SNAP23: variants seen among roughly 807,000 people sequenced by gnomAD.
The protein encoded by SNAP23 is synaptosomal-associated protein 23.
SNAP23 carries 11 observed loss-of-function variants against 29.0 expected under a neutral mutation model. That is an observed-to-expected ratio of 0.38 (90% confidence interval 0.24 to 0.63). The LOEUF (loss-of-function observed/expected upper bound fraction) is 0.63. Ranked by LOEUF, SNAP23 falls within the 20% of genes least tolerant of loss-of-function variation. The probability of loss-of-function intolerance (pLI) is 0.58; values close to 1 mark genes in which losing one functional copy is unlikely to be tolerated. For missense variants in SNAP23, 220 were observed against 253.9 expected (o/e 0.87, Z 0.91); for synonymous variants, 60 against 82.9 (o/e 0.72, Z 1.50).
chr15:42,491,350 T>C (rs1467721082), upstream of SNAP23: 2 of 152,410 alleles, frequency 1.3e-5, no homozygotes, highest in Non-Finnish European at 2.9e-5. Context: ...TTTTTCATTC[T>C]CCTTGTTTCT....
intron 1 of SNAP23, among the ~76,000 whole-genome samples, chr15:42,511,482 A>G (rs111504667): frequency 4.6e-5 from 7 of 152,346 alleles, no homozygotes; most frequent in African/African-American, 1.4e-4. Flanking sequence ...ACACATGAAG[A>G]ACATTGAACA....
At chr15:42,516,681 C>G (rs1366865045) in intron 5 of SNAP23, among the ~76,000 whole-genome samples, 1 of 152,160 alleles carries the variant, frequency 6.6e-6, no homozygotes, top group Admixed American at 6.5e-5. Context: ...TCATCCAGTT[C>G]TCAGCTGGTC....
intron 5 of SNAP23, chr15:42,521,695 C>T (rs1328931131): frequency 2.0e-6 from 2 of 976,778 alleles, no homozygotes; most frequent in African/African-American, 3.2e-5. Context: ...GGGCTGCTAA[C>T]CTGCTATCTA....
At chr15:42,508,733 T>C (rs895832122) in intron 1 of SNAP23, among the ~76,000 whole-genome samples, 3 of 151,936 alleles carry the variant, frequency 2.0e-5, no homozygotes, top group African/African-American at 7.3e-5. Context: ...GAGTTTTGCT[T>C]TTTTTTTCCT....
chr15:42,506,620 A>C (rs2057318820), intron 1 of SNAP23, among the ~76,000 whole-genome samples: 1 of 152,302 alleles, frequency 6.6e-6, no homozygotes, highest in Non-Finnish European at 1.5e-5. Context: ...AACCATGATT[A>C]CTGTGGTCTA....
chr15:42,511,762 T>C (rs920719954), intron 1 of SNAP23, 71 bp from the exon 2 acceptor site: 2 of 847,646 alleles, frequency 2.4e-6, no homozygotes, highest in Non-Finnish European at 1.8e-6. Context: ...ATCTACACTT[T>C]TTGCTCACAC....
At chr15:42,500,693 A>G (rs2057262357) in intron 1 of SNAP23, among the ~76,000 whole-genome samples, 1 of 150,666 alleles carries the variant, frequency 6.6e-6, no homozygotes, top group African/African-American at 2.5e-5. Flanking sequence ...CCCGGCCAGG[A>G]CTGCTCTTTT....
chr15:42,507,670 A>G (rs1048765746), intron 1 of SNAP23, among the ~76,000 whole-genome samples: 1 of 152,214 alleles, frequency 6.6e-6, no homozygotes, highest in African/African-American at 2.4e-5. Flanking sequence ...ATGTCTGCAG[A>G]GAATAATAAA....
At chr15:42,504,859 A>C (rs2057304683) in intron 1 of SNAP23, among the ~76,000 whole-genome samples, 1 of 152,206 alleles carries the variant, frequency 6.6e-6, no homozygotes, top group Admixed American at 6.6e-5. Context: ...CTGCGGATGC[A>C]TTGGTTACCA....
In SNAP23 at chr15:42,520,045, C is replaced by CTTT. The variant is rs201577060; in HGVS notation, c.266+4713_266+4715dup. Among the ~76,000 whole-genome samples, 255 of 92,958 alleles carry CTTT rather than the reference C, an allele frequency of 2.7e-3. 3 individuals are homozygous for CTTT. The highest frequency in any genetic ancestry group is 5.8e-3 in the African/African-American group (120 of 20,582). 61.0% of individuals were successfully genotyped at this position (92,958 alleles called of 152,430 possible). A position where few individuals can be genotyped will look rare whatever the true frequency, so the allele number is the denominator to read the frequency against. On this transcript the variant is annotated intron_variant, in intron 5 of 7. Coordinates refer to ENST00000249647, the MANE Select transcript of SNAP23 (RefSeq NM_003825.4). Reference sequence around the variant, plus strand: ...TTCAAAACCAGGCAGAACCCCCTTGCTTTTTTTTTTTTTTTTTTTTTTTTG... The same window carrying CTTT: ...TTCAAAACCAGGCAGAACCCCCTTGCTTTTTTTTTTTTTTTTTTTTTTTTTTTG...
At chr15:42,520,643 C>T (rs1023899207) in intron 5 of SNAP23, among the ~76,000 whole-genome samples, 25 of 152,102 alleles carry the variant, frequency 1.6e-4, no homozygotes, top group South Asian at 4.2e-4. Context: ...TACAGGCGCC[C>T]GCCACCACAC....
chr15:42,513,326 G>A (rs2057372402), intron 3 of SNAP23, 73 bp from the exon 4 acceptor site: 1 of 1,310,242 alleles, frequency 7.6e-7, no homozygotes, highest in Admixed American at 1.7e-5. Context: ...ATTCTGTGTT[G>A]CTCTTGTAGG....
Position 42,531,491 on chromosome 15 carries a change from T to C in SNAP23, c.*13T>C. The C allele has an allele frequency of 6.3e-7, 1 of 1,588,152 alleles. No homozygotes were observed. The highest frequency in any genetic ancestry group is 8.6e-7 in the Non-Finnish European group (1 of 1,164,270). ...CATTGACAGCTAAAGCTACTGCTGT[T>C]CTTCTTTATCATTTATTCACTTCCG... On this transcript the variant is annotated 3_prime_UTR_variant, in exon 8 of 8. Coordinates refer to ENST00000249647, the MANE Select transcript of SNAP23 (RefSeq NM_003825.4).
chr15:42,525,198 C>G (rs1457354018), intron 5 of SNAP23, among the ~76,000 whole-genome samples: 3 of 151,792 alleles, frequency 2.0e-5, no homozygotes, highest in African/African-American at 7.3e-5. Flanking sequence ...GAAACCCTGT[C>G]TCTACTAAAA....
At chr15:42,525,451 CT>C (rs1158969519) in intron 5 of SNAP23, among the ~76,000 whole-genome samples, 142 of 47,138 alleles carry the variant, frequency 3.0e-3, no homozygotes, top group Middle Eastern at 0.029. Flanking sequence ...ATCCAGTCTT[CT>C]TTTTTTTTTT....
intron 5 of SNAP23, among the ~76,000 whole-genome samples, chr15:42,522,860 T>TG: frequency 6.9e-6 from 1 of 145,480 alleles, no homozygotes; most frequent in Non-Finnish European, 1.5e-5. Context: ...TTTTTTTTTT[T>TG]TTTGAGACAG....
Position 42,515,319 on chromosome 15 carries a change from C to A in SNAP23, c.231C>A (p.Asn77Lys), listed in dbSNP as rs751027664. The stretch of plus-strand genomic sequence containing the variant: ...CAGAGAAGACTTTAACAGAACTCAA[C>A]AAATGCTGTGGCCTTTGTGTCTGCC... ...RETEKTLTEL[N>K]KCCGLCVCPC... The change falls in exon 5 of 8, where the codon AAC (asparagine) becomes AAA (lysine). Residue 77 changes from asparagine to lysine, a missense_variant. Coordinates refer to ENST00000249647, the MANE Select transcript of SNAP23 (RefSeq NM_003825.4). 1.2e-5 allele frequency: 20 copies of A among 1,611,866 alleles called. No individual in the cohort carries two copies. The highest frequency in any genetic ancestry group is 1.6e-5 in the Non-Finnish European group (19 of 1,178,656).
intron 1 of SNAP23, among the ~76,000 whole-genome samples, chr15:42,509,632 G>C (rs1178303187): frequency 6.6e-6 from 1 of 151,910 alleles, no homozygotes; most frequent in Admixed American, 6.6e-5. Context: ...TAGAAACGGG[G>C]TTTCACCATG....
At chr15:42,515,827 T>C (rs184764036) in intron 5 of SNAP23, among the ~76,000 whole-genome samples, 3 of 152,346 alleles carry the variant, frequency 2.0e-5, no homozygotes, top group Admixed American at 1.3e-4. Context: ...TTAGATTATA[T>C]GATAGTGACC....
Sources: allele counts gnomAD v4.1 joint callset (sites outside exome capture counted in the v4.1 genomes callset), GRCh38; gene constraint gnomAD v4.1.1; transcripts MANE v1.5; gene names NCBI Gene and HGNC (gene_info 2026-07-23, HGNC 2026-07-21).